Variants in COG5 observed in about 807,000 individuals in gnomAD.
The protein encoded by COG5 is conserved oligomeric Golgi complex subunit 5.
Under a neutral mutation model 110.4 loss-of-function variants are expected in COG5, and 86 were observed. The ratio of observed to expected loss-of-function variants is 0.78; its 90% CI spans 0.65 to 0.93. The LOEUF (loss-of-function observed/expected upper bound fraction) is 0.93, where lower values mean the gene tolerates loss of function less well. COG5 is among the 40% of genes least tolerant of loss of function. The pLI, the probability that COG5 is intolerant of heterozygous loss-of-function variation, is 0.00. For synonymous variants in COG5, 360 were observed against 334.6 expected, an observed-to-expected ratio of 1.08 and a Z score of -0.83; for missense variants, 1,077 against 987.0, an observed-to-expected ratio of 1.09 and a Z score of -1.22.
At chr7:107,291,068 T>A (rs898633776) in intron 12 of COG5, among the ~76,000 whole-genome samples, 1 of 152,216 alleles carries the variant, frequency 6.6e-6, no homozygotes, top group African/African-American at 2.4e-5. Flanking sequence ...TTGGAGTTTG[T>A]TGAGCTTCCT....
intron 3 of COG5, among the ~76,000 whole-genome samples, chr7:107,553,217 C>A (rs557007956): frequency 6.6e-6 from 1 of 152,136 alleles, no homozygotes; most frequent in Non-Finnish European, 1.5e-5. Flanking sequence ...CAAACCTACA[C>A]ATATACCCCC....
intron 6 of COG5, among the ~76,000 whole-genome samples, chr7:107,419,292 A>G (rs1326911930): frequency 6.6e-6 from 1 of 152,138 alleles, no homozygotes; most frequent in African/African-American, 2.4e-5. Flanking sequence ...TGATAGCCTA[A>G]ATATAATTAG....
intron 20 of COG5, among the ~76,000 whole-genome samples, 192 bp from the exon 21 acceptor site, chr7:107,210,797 A>G (rs893388226): frequency 4.6e-5 from 7 of 152,240 alleles, no homozygotes; most frequent in East Asian, 1.9e-4. Context: ...AGATTTGCCA[A>G]TTGATGGTGG....
intron 10 of COG5, among the ~76,000 whole-genome samples, chr7:107,336,997 A>T (rs1810756080): frequency 6.6e-6 from 1 of 152,226 alleles, no homozygotes; most frequent in African/African-American, 2.4e-5. Context: ...GGACTGGAAT[A>T]GACATTTCTC....
intron 6 of COG5, among the ~76,000 whole-genome samples, chr7:107,456,875 C>A (rs1795696246): frequency 6.6e-6 from 1 of 152,108 alleles, no homozygotes; most frequent in Non-Finnish European, 1.5e-5. Context: ...AAGGAGTATG[C>A]CTTAACAGTA....
intron 21 of COG5, chr7:107,209,371 G>C: frequency 3.6e-6 from 1 of 280,766 alleles, no homozygotes; most frequent in Non-Finnish European, 5.4e-6. Context: ...GAGAAGGTTT[G>C]AGAGAAAAGA....
In COG5 at chr7:107,202,150, A is replaced by G. The variant is rs532499495; in HGVS notation, c.*1366T>C. The G allele has an allele frequency of 2.0e-5, 3 of 152,812 alleles. No individual in the cohort carries two copies. The South Asian group carries it at 6.2e-4, about 32-fold the overall frequency. The allele number at this position is 152,812 out of a possible 1,614,324, so 9.5% of individuals were successfully genotyped here. A position where few individuals can be genotyped will look rare whatever the true frequency, so the allele number is the denominator to read the frequency against. On this transcript the variant is annotated 3_prime_UTR_variant, in exon 22 of 22. Coordinates refer to ENST00000297135, the MANE Select transcript of COG5 (RefSeq NM_006348.5). Reference sequence around the variant, plus strand: ...GGGATATAGTCACTGTAATGGTGCTATTAACAAACAGTCAACACCATTGTA... The same window carrying G: ...GGGATATAGTCACTGTAATGGTGCTGTTAACAAACAGTCAACACCATTGTA...
intron 17 of COG5, among the ~76,000 whole-genome samples, chr7:107,241,393 C>CATATAT (rs150123583): frequency 1.4e-5 from 2 of 145,716 alleles, no homozygotes; most frequent in South Asian, 4.3e-4. Flanking sequence ...TTCTGTGCTT[C>CATATAT]ATATATATAT....
intron 6 of COG5, among the ~76,000 whole-genome samples, chr7:107,428,062 A>G (rs1793771280): frequency 6.6e-6 from 1 of 152,158 alleles, no homozygotes; most frequent in South Asian, 2.1e-4. Context: ...TCGACAGTAT[A>G]AAAAACCAAT....
At chr7:107,292,518 C>T (rs1806259196) in intron 12 of COG5, among the ~76,000 whole-genome samples, 1 of 152,154 alleles carries the variant, frequency 6.6e-6, no homozygotes, top group Admixed American at 6.6e-5. Context: ...TGAAAGAGCC[C>T]ATGTCCTTAT....
chr7:107,347,648 A>G (rs1811741204), intron 10 of COG5, among the ~76,000 whole-genome samples: 1 of 152,244 alleles, frequency 6.6e-6, no homozygotes, highest in African/African-American at 2.4e-5. Flanking sequence ...CCCTGATTTG[A>G]TCACTACACA....
chr7:107,364,853 A>G (rs1286456810), intron 8 of COG5, among the ~76,000 whole-genome samples: 2 of 152,202 alleles, frequency 1.3e-5, no homozygotes, highest in African/African-American at 2.4e-5. Flanking sequence ...TAAAAAATAT[A>G]GATATTATCT....
chr7:107,563,563 G>T (rs573341974), intron 1 of COG5: 2 of 484,828 alleles, frequency 4.1e-6, no homozygotes. Flanking sequence ...GGGGGGTCGA[G>T]TTGAAATGAG....
chr7:107,314,886 T>C (rs1808592923), intron 11 of COG5, among the ~76,000 whole-genome samples: 1 of 152,236 alleles, frequency 6.6e-6, no homozygotes. Context: ...TTCCAAGGTA[T>C]ATAAACTTTT....
chr7:107,279,832 T>C (rs1173090168), intron 14 of COG5, among the ~76,000 whole-genome samples: 2 of 152,130 alleles, frequency 1.3e-5, no homozygotes, highest in South Asian at 2.1e-4. Flanking sequence ...GTACATTAGA[T>C]AGGCCTAAGT....
chr7:107,244,453 A>C (rs1801890289), intron 17 of COG5, among the ~76,000 whole-genome samples: 1 of 152,218 alleles, frequency 6.6e-6, no homozygotes, highest in Non-Finnish European at 1.5e-5. Flanking sequence ...AAGTTAGCAG[A>C]AGATGAGATG....
At position 107,536,112 on chromosome 7, in the gene COG5, C is replaced by A. The variant is rs540302902; in HGVS notation, c.418-8755G>T. 3.2e-3 allele frequency among the ~76,000 whole-genome samples: 492 copies of A among 152,266 alleles called. 3 individuals carry two copies. Among genetic ancestry groups the A allele is most frequent in the Middle Eastern group, 0.01 (3 of 294 alleles). On this transcript the variant is annotated intron_variant, in intron 5 of 21. Transcript: ENST00000297135. The stretch of plus-strand genomic sequence containing the variant: ...CCACAAAATTCAACAGCCCTTCATG[C>A]TAAAAACACTCAATAAACTAGGTAT...
chr7:107,321,317 T>C (rs984448762), intron 11 of COG5, among the ~76,000 whole-genome samples: 6 of 152,064 alleles, frequency 3.9e-5, no homozygotes, highest in Non-Finnish European at 7.4e-5. Flanking sequence ...AATGTAAAAG[T>C]CCTAAATAAA....
rs557087213 is a variant in COG5, at chr7:107,258,929, T to C, written c.1576-546A>G. Among the ~76,000 whole-genome samples, 65 of 152,152 alleles carry C rather than the reference T, an allele frequency of 4.3e-4. 1 individual carries two copies. Among genetic ancestry groups the C allele is most frequent in the Non-Finnish European group, 7.4e-5 (5 of 68,000 alleles). ...ATATTTGATAGGCATCCTAATACACTAATGAAATGAATTGTGCAAAGAGGG... is the reference window on the plus strand; with the variant it reads ...ATATTTGATAGGCATCCTAATACACCAATGAAATGAATTGTGCAAAGAGGG... On this transcript the variant is annotated intron_variant, in intron 14 of 21. Coordinates refer to ENST00000297135, the MANE Select transcript of COG5 (RefSeq NM_006348.5).
Sources: allele counts gnomAD v4.1 joint callset (sites outside exome capture counted in the v4.1 genomes callset), GRCh38; gene constraint gnomAD v4.1.1; transcripts MANE v1.5; gene names NCBI Gene and HGNC (gene_info 2026-07-23, HGNC 2026-07-21).